Variants in SETBP1 observed in about 807,000 individuals in gnomAD.
The protein encoded by SETBP1 is SET-binding protein.
A neutral mutation model predicts 101.0 loss-of-function variants in SETBP1; 9 were observed. That is an observed-to-expected ratio of 0.09 (90% confidence interval 0.05 to 0.16). SETBP1 has a LOEUF of 0.16. Ranked by LOEUF, SETBP1 falls within the 10% of genes least tolerant of loss-of-function variation. The pLI is 1.00. For synonymous variants in SETBP1, 818 were observed against 788.5 expected (o/e 1.04, Z -0.63); for missense variants, 1,858 against 2,033.8 (o/e 0.91, Z 1.66).
At chr18:45,029,155 T>C (rs1568037730) in intron 4 of SETBP1, among the ~76,000 whole-genome samples, 1 of 152,238 alleles carries the variant, frequency 6.6e-6, no homozygotes, top group Non-Finnish European at 1.5e-5. Context: ...GTCTAACATG[T>C]AAGTCTTTAA....
chr18:45,038,513 C>T lies in SETBP1; in HGVS notation c.4029C>T (p.Asp1343=), dbSNP rs1412599636. 1 of 1,614,098 alleles carries T rather than the reference C, an allele frequency of 6.2e-7. No homozygotes were observed. Among genetic ancestry groups the T allele is most frequent in the Non-Finnish European group, 8.5e-7 (1 of 1,179,998 alleles). ...PGMPSPHLKV[D]QTAVHSKNEG... is the part of the protein sequence containing the mutation. Reference sequence around the variant, plus strand: ...TGCCAAGTCCCCACTTAAAAGTGGACCAGACAGCAGTGCATAGTAAGAACG... The same window carrying T: ...TGCCAAGTCCCCACTTAAAAGTGGATCAGACAGCAGTGCATAGTAAGAACG... The change falls in exon 5 of 6, where the codon GAC becomes GAT. Residue 1343 remains aspartate (D), a synonymous_variant. Transcript: ENST00000649279.
Position 45,063,332 on chromosome 18 carries a change from G to C in SETBP1, c.4425G>C (p.Leu1475=). Residue 1475 remains leucine (L), a synonymous_variant, in exon 6 of 6, where the codon CTG becomes CTC. Transcript: ENST00000649279. ...DEDSRDQMPV[L]EKCIDLPSKR... The stretch of plus-strand genomic sequence containing the variant: ...ACTCCAGAGACCAAATGCCGGTGCT[G>C]GAAAAATGCATCGACCTGCCCAGCA... The C allele has an allele frequency of 6.3e-7, 1 of 1,595,756 alleles. No homozygotes were observed. The highest frequency in any genetic ancestry group is 8.5e-7 in the Non-Finnish European group (1 of 1,171,242).
chr18:44,739,841 T>C (rs2144461289), intron 2 of SETBP1, among the ~76,000 whole-genome samples: 1 of 152,328 alleles, frequency 6.6e-6, no homozygotes, highest in East Asian at 1.9e-4. Context: ...GTGTGAAGAC[T>C]TGACTCTCAA....
At chr18:44,890,748 A>T (rs1490528469) in intron 3 of SETBP1, among the ~76,000 whole-genome samples, 1 of 152,116 alleles carries the variant, frequency 6.6e-6, no homozygotes, top group Non-Finnish European at 1.5e-5. Context: ...TTTATTTTTG[A>T]ATAAAACCTG....
intron 2 of SETBP1, among the ~76,000 whole-genome samples, chr18:44,751,884 C>T (rs2070387384): frequency 6.6e-6 from 1 of 152,140 alleles, no homozygotes; most frequent in Admixed American, 6.5e-5. Context: ...TTGGTGAGGG[C>T]TCTCTTCCTG....
chr18:44,898,327 C>T (rs1343206652), intron 3 of SETBP1, among the ~76,000 whole-genome samples: 2 of 152,012 alleles, frequency 1.3e-5, no homozygotes, highest in Non-Finnish European at 2.9e-5. Context: ...GAATGGCTAG[C>T]CACGTCTCAA....
chr18:44,784,957 A>T (rs1335035827), intron 2 of SETBP1, among the ~76,000 whole-genome samples: 1 of 152,168 alleles, frequency 6.6e-6, no homozygotes, highest in Non-Finnish European at 1.5e-5. Context: ...AACTGAATGC[A>T]TTTCTTAAGG....
intron 3 of SETBP1, among the ~76,000 whole-genome samples, chr18:44,896,129 AC>A (rs2069897178): frequency 6.6e-6 from 1 of 152,016 alleles, no homozygotes; most frequent in East Asian, 1.9e-4. Flanking sequence ...TTCATTGCCT[AC>A]CCCTGACAGG....
chr18:44,748,203 A>G (rs1363551250), intron 2 of SETBP1, among the ~76,000 whole-genome samples: 1 of 152,078 alleles, frequency 6.6e-6, no homozygotes. Context: ...GAAGGATGGG[A>G]AGGAAGGAAG....
chr18:44,722,787 C>T (rs139855972), intron 2 of SETBP1, among the ~76,000 whole-genome samples: 4 of 152,264 alleles, frequency 2.6e-5, no homozygotes, highest in East Asian at 3.9e-4. Context: ...GTCTTCAGGA[C>T]GGTTCTCTAG....
chr18:44,934,006 C>T (rs1437417708), intron 3 of SETBP1, among the ~76,000 whole-genome samples: 1 of 152,210 alleles, frequency 6.6e-6, no homozygotes, highest in South Asian at 2.1e-4. Context: ...CACCCGTCTT[C>T]TGCGTCACTC....
chr18:44,969,789 ACT>A (rs2071801864), intron 4 of SETBP1, among the ~76,000 whole-genome samples: 1 of 152,192 alleles, frequency 6.6e-6, no homozygotes, highest in Admixed American at 6.5e-5. Flanking sequence ...TGAAGATCAA[ACT>A]CTACCGCTTC....
chr18:45,015,442 A>G (rs955993046), intron 4 of SETBP1, among the ~76,000 whole-genome samples: 10 of 152,190 alleles, frequency 6.6e-5, no homozygotes, highest in South Asian at 2.1e-4. Context: ...TACAGTGAAT[A>G]GGTATAAGGT....
At chr18:44,856,833 A>G (rs555026079) in intron 2 of SETBP1, among the ~76,000 whole-genome samples, 3 of 152,336 alleles carry the variant, frequency 2.0e-5, no homozygotes, top group African/African-American at 7.2e-5. Flanking sequence ...GATATGGCAA[A>G]GGTAAGAGAG....
chr18:44,762,735 C>T (rs1483642503), intron 2 of SETBP1, among the ~76,000 whole-genome samples: 7 of 152,170 alleles, frequency 4.6e-5, no homozygotes, highest in African/African-American at 1.7e-4. Flanking sequence ...TTAACAGTTC[C>T]GTCACCATCA....
At chr18:44,905,448 CT>C (rs776454894) in intron 3 of SETBP1, among the ~76,000 whole-genome samples, 3 of 152,094 alleles carry the variant, frequency 2.0e-5, no homozygotes, top group Non-Finnish European at 2.9e-5. Flanking sequence ...GCTCCTAGCA[CT>C]ATGTCTAACA....
chr18:44,698,789 G>C (rs1272516516), intron 1 of SETBP1, among the ~76,000 whole-genome samples: 3 of 152,116 alleles, frequency 2.0e-5, no homozygotes, highest in Non-Finnish European at 4.4e-5. Flanking sequence ...TAACTTCCTT[G>C]AGGAAAAAGA....
At chr18:44,885,947 C>A (rs921382005) in intron 3 of SETBP1, among the ~76,000 whole-genome samples, 8 of 150,604 alleles carry the variant, frequency 5.3e-5, no homozygotes, top group African/African-American at 2.0e-4. Flanking sequence ...ATATTCAATG[C>A]AGTTTATTTT....
intron 5 of SETBP1, among the ~76,000 whole-genome samples, chr18:45,049,106 C>T (rs1025509434): frequency 6.6e-6 from 1 of 151,240 alleles, no homozygotes; most frequent in Non-Finnish European, 1.5e-5. Flanking sequence ...ATGAATAGAT[C>T]GAATAACAAT....
Sources: gnomAD v4.1 joint callset for allele counts (sites outside exome capture counted in the v4.1 genomes callset) on GRCh38, gnomAD v4.1.1 for gene constraint, MANE v1.5 for transcripts, NCBI Gene and HGNC (gene_info 2026-07-23, HGNC 2026-07-21) for gene names.